Variants in MIR2052HG observed in about 807,000 individuals in gnomAD.
MIR2052HG encodes the protein MIR2052 host gene.
intron 2 of MIR2052HG, among the ~76,000 whole-genome samples, chr8:74,643,271 A>T (rs564730145): frequency 6.6e-6 from 1 of 152,300 alleles, no homozygotes; most frequent in African/African-American, 2.4e-5. Flanking sequence ...AGAATTCCGT[A>T]ATTTCTTTCT....
chr8:74,686,026 C>G (rs1809177281), intron 2 of MIR2052HG, among the ~76,000 whole-genome samples: 2 of 151,888 alleles, frequency 1.3e-5, no homozygotes, highest in Admixed American at 1.3e-4. Flanking sequence ...TCCATGATAA[C>G]TGCTCTGCTT....
intron 2 of MIR2052HG, among the ~76,000 whole-genome samples, chr8:74,651,916 A>T (rs1475699697): frequency 6.6e-6 from 1 of 152,178 alleles, no homozygotes; most frequent in Non-Finnish European, 1.5e-5. Flanking sequence ...GAAGAAAGGT[A>T]GCAAGCCTAT....
intron 2 of MIR2052HG, among the ~76,000 whole-genome samples, chr8:74,622,191 CAG>C (rs1347824965): frequency 2.6e-5 from 4 of 152,084 alleles, no homozygotes; most frequent in African/African-American, 9.7e-5. Context: ...ATGAAGAACT[CAG>C]ATAACTTAAA....
intron 2 of MIR2052HG, among the ~76,000 whole-genome samples, chr8:74,614,025 A>C (rs1808240519): frequency 6.6e-6 from 1 of 152,228 alleles, no homozygotes; most frequent in South Asian, 2.1e-4. Context: ...ATCCTAATAA[A>C]CGATTTCACA....
intron 5 of MIR2052HG, chr8:74,757,077 G>A (rs1810012766): frequency 6.6e-6 from 1 of 152,242 alleles, no homozygotes; most frequent in African/African-American, 2.4e-5. Flanking sequence ...TGGATGTGGA[G>A]GACTCTGTGG....
chr8:74,743,749 A>G lies in MIR2052HG; in HGVS notation n.372-8692A>G, dbSNP rs117465664. 1.8e-3 allele frequency among the ~76,000 whole-genome samples: 278 copies of G among 152,302 alleles called. 1 individual carries two copies. The Middle Eastern group carries it at 0.02, about 11-fold the overall frequency. ...CATGATCTGAAAAATCAACCTTACA[A>G]CCCAGTCCCACATCACTGAAATTCC... On this transcript the variant is annotated intron_variant and non_coding_transcript_variant, in intron 4 of 6. Transcript: ENST00000523442.
At chr8:74,650,770 G>A (rs1375450880) in intron 2 of MIR2052HG, among the ~76,000 whole-genome samples, 5 of 152,118 alleles carry the variant, frequency 3.3e-5, no homozygotes, top group African/African-American at 1.2e-4. Context: ...GTTAACATGT[G>A]ACTGAAAATA....
chr8:74,643,820 T>C (rs1373997762), intron 2 of MIR2052HG, among the ~76,000 whole-genome samples: 2 of 152,176 alleles, frequency 1.3e-5, no homozygotes, highest in Non-Finnish European at 2.9e-5. Flanking sequence ...TTCACCACTC[T>C]TTTTATCATT....
intron 4 of MIR2052HG, among the ~76,000 whole-genome samples, chr8:74,724,072 ATGCC>A (rs1201794373): frequency 6.6e-6 from 1 of 152,192 alleles, no homozygotes; most frequent in Non-Finnish European, 1.5e-5. Flanking sequence ...TGTTTTAATT[ATGCC>A]TGTTTGTGTT....
At chr8:74,687,859 A>G (rs1029818760) in intron 2 of MIR2052HG, among the ~76,000 whole-genome samples, 1 of 152,174 alleles carries the variant, frequency 6.6e-6, no homozygotes, top group Non-Finnish European at 1.5e-5. Flanking sequence ...ATGGGACACA[A>G]AGAAACTTTG....
chr8:74,602,869 C>CTT (rs1186986947), intron 1 of MIR2052HG, among the ~76,000 whole-genome samples: 1 of 147,484 alleles, frequency 6.8e-6, no homozygotes, highest in African/African-American at 2.5e-5. Flanking sequence ...TTCTTTCTTT[C>CTT]TTTCTTTTTT....
At chr8:74,606,691 G>A (rs1286506590) in intron 1 of MIR2052HG, among the ~76,000 whole-genome samples, 1 of 152,048 alleles carries the variant, frequency 6.6e-6, no homozygotes, top group Non-Finnish European at 1.5e-5. Context: ...GAGTGTAGAG[G>A]GTGGAAGAAG....
chr8:74,619,711 C>T (rs1480893616), intron 2 of MIR2052HG, among the ~76,000 whole-genome samples: 1 of 152,304 alleles, frequency 6.6e-6, no homozygotes, highest in South Asian at 2.1e-4. Context: ...GATTCAATTA[C>T]CTCCACCTGG....
At chr8:74,738,362 A>G (rs774638399) in intron 4 of MIR2052HG, among the ~76,000 whole-genome samples, 15 of 152,130 alleles carry the variant, frequency 9.9e-5, no homozygotes, top group Non-Finnish European at 1.9e-4. Context: ...CCTTTCACCC[A>G]ACTTATCTCC....
chr8:74,681,069 G>C (rs946154490), intron 2 of MIR2052HG, among the ~76,000 whole-genome samples: 1 of 113,920 alleles, frequency 8.8e-6, no homozygotes, highest in Non-Finnish European at 1.8e-5. Flanking sequence ...GTTGTGGGGT[G>C]GGGGGAGGGG....
rs553087450 is a variant in MIR2052HG at position 74,734,522 on chromosome 8, G to T, written n.372-17919G>T. On this transcript the variant is annotated intron_variant and non_coding_transcript_variant, in intron 4 of 6. Coordinates refer to ENST00000523442, the Ensembl canonical transcript of MIR2052HG. ...GATATCCAAGATCAGATCTGGCTCA[G>T]GACAAATTGCAGGGAGCATTTCAAA... Among the ~76,000 whole-genome samples the T allele has an allele frequency of 3.3e-4, 50 of 152,292 alleles. 1 individual carries two copies. In the South Asian group the frequency reaches 0.01, roughly 31 times the overall value.
At chr8:74,699,843 CTTTG>C (rs1033731860) in intron 2 of MIR2052HG, among the ~76,000 whole-genome samples, 5 of 152,008 alleles carry the variant, frequency 3.3e-5, no homozygotes, top group East Asian at 1.9e-4. Context: ...CCGTGTAAGT[CTTTG>C]TTTGTATAAC....
chr8:74,690,950 G>A (rs1478975448), intron 2 of MIR2052HG, among the ~76,000 whole-genome samples: 5 of 152,108 alleles, frequency 3.3e-5, no homozygotes, highest in Non-Finnish European at 7.4e-5. Context: ...TATGTATGAC[G>A]TTTATTCACT....
chr8:74,623,804 A>G (rs1808399604), intron 2 of MIR2052HG, among the ~76,000 whole-genome samples: 1 of 152,234 alleles, frequency 6.6e-6, no homozygotes, highest in Non-Finnish European at 1.5e-5. Context: ...TTAGGTCTTT[A>G]TCTCAATTGC....
Sources: gnomAD v4.1 joint callset for allele counts (sites outside exome capture counted in the v4.1 genomes callset) on GRCh38, gnomAD v4.1.1 for gene constraint, MANE v1.5 for transcripts, NCBI Gene and HGNC (gene_info 2026-07-23, HGNC 2026-07-21) for gene names.